The following NIBAN2 variants were observed in gnomAD, a reference collection of about 807,000 sequenced individuals.
NIBAN2 encodes the protein protein Niban 2.
Under a neutral mutation model 81.8 loss-of-function variants are expected in NIBAN2, and 36 were observed. The observed-to-expected ratio is 0.44, with a 90% CI of 0.34 to 0.58. The LOEUF (loss-of-function observed/expected upper bound fraction) is 0.58, where lower values mean the gene tolerates loss of function less well. Among genes scored for constraint, NIBAN2 ranks in the 20% least tolerant of loss-of-function variants. The pLI is 0.02. For synonymous variants in NIBAN2, 445 were observed against 441.6 expected (o/e 1.01, Z -0.10); for missense variants, 897 against 1,014.1 (o/e 0.88, Z 1.57).
rs906475768 is a variant in NIBAN2, at chr9:127,508,292, C to T, written c.1435-92G>A. 18 of 1,335,662 alleles carry T rather than the reference C, an allele frequency of 1.3e-5. No homozygotes were observed. The highest frequency in any genetic ancestry group is 1.2e-4 in the East Asian group (5 of 43,328). The allele number at this position is 1,335,662 out of a possible 1,614,324, so 82.7% of individuals were successfully genotyped here. On this transcript the variant is annotated intron_variant, in intron 11 of 13. Transcript: ENST00000373312. This position sits in a 1 kb window ranked among gnomAD's most constrained non-coding sequence, Gnocchi z 6.4. ...AGGCCAGTGGTCTGACCCAAGCCTC[C>T]GAGTCCTCATCCGCACAAGAGGACC...
Position 127,506,301 on chromosome 9 carries a change from G to C in NIBAN2, c.*544C>G, listed in dbSNP as rs1055068692. 1.3e-5 allele frequency: 2 copies of C among 152,674 alleles called. No individual in the cohort carries two copies. The highest frequency in any genetic ancestry group is 4.8e-5 in the African/African-American group (2 of 41,388). The allele number at this position is 152,674 out of a possible 1,614,324, so 9.5% of individuals were successfully genotyped here. A position where few individuals can be genotyped will look rare whatever the true frequency, so the allele number is the denominator to read the frequency against. Reference sequence around the variant, plus strand: ...CTCATCTCTCCACCCAGCACCCCCAGCCTGGCTCCAGCCTGAAGACCCCCT... The same window carrying C: ...CTCATCTCTCCACCCAGCACCCCCACCCTGGCTCCAGCCTGAAGACCCCCT... On this transcript the variant is annotated 3_prime_UTR_variant, in exon 14 of 14. Transcript: ENST00000373312.
chr9:127,554,493 A>G (rs577426180), intron 1 of NIBAN2, among the ~76,000 whole-genome samples: 23 of 151,594 alleles, frequency 1.5e-4, no homozygotes, highest in African/African-American at 5.6e-4. Flanking sequence ...TCAGACAGGA[A>G]TCAAATTGTT....
rs185363478 is a variant in NIBAN2 at position 127,519,502 on chromosome 9, C to T, written c.590-1561G>A. Reference sequence around the variant, plus strand: ...AAGCCTGTGCATCAGAAACCTAAGGCTCCCACTGCCATGACTATGGGCTGA... The same window carrying T: ...AAGCCTGTGCATCAGAAACCTAAGGTTCCCACTGCCATGACTATGGGCTGA... On this transcript the variant is annotated intron_variant, in intron 5 of 13. Transcript: ENST00000373312. Among the ~76,000 whole-genome samples, 11 of 152,354 alleles carry T rather than the reference C, an allele frequency of 7.2e-5. No homozygotes were observed. In the East Asian group the frequency reaches 1.2e-3, roughly 16 times the overall value.
At chr9:127,565,251 C>T (rs1273423580) in intron 1 of NIBAN2, among the ~76,000 whole-genome samples, 2 of 152,096 alleles carry the variant, frequency 1.3e-5, no homozygotes, top group Non-Finnish European at 2.9e-5. Context: ...CGTGAGCCAC[C>T]ACGCCTGGCC....
At chr9:127,547,805 C>T (rs1207259828) in intron 1 of NIBAN2, among the ~76,000 whole-genome samples, 1 of 152,154 alleles carries the variant, frequency 6.6e-6, no homozygotes, top group African/African-American at 2.4e-5. Context: ...CCATTGCACT[C>T]CAGCCTGGGC....
intron 1 of NIBAN2, among the ~76,000 whole-genome samples, chr9:127,552,711 CAG>C (rs1379373699): frequency 2.2e-5 from 2 of 91,058 alleles, no homozygotes; most frequent in Non-Finnish European, 4.0e-5. Flanking sequence ...TTTTTTGAGA[CAG>C]AGTCTTGCTC....
At chr9:127,510,024 T>C (rs927006556) in intron 9 of NIBAN2, 122 bp downstream of exon 9, 11 of 907,332 alleles carry the variant, frequency 1.2e-5, no homozygotes, top group African/African-American at 1.2e-4. Context: ...CAGCAGCCCC[T>C]CCCCGTCTAC....
At chr9:127,514,994 T>TTC (rs1178442201) in intron 8 of NIBAN2, among the ~76,000 whole-genome samples, 4 of 151,900 alleles carry the variant, frequency 2.6e-5, no homozygotes, top group Admixed American at 2.6e-4. Context: ...TAAGACCCCC[T>TTC]TCTCTCTCTC....
In NIBAN2 at chr9:127,507,664, G is replaced by A. The variant is rs1468245388; in HGVS notation, c.1654+203C>T. ...CTCTGACCCTCCCAGCAAAGCCAAGGACGCGAGAAGAAACTAAAGCACAGA... is the reference window on the plus strand; with the variant it reads ...CTCTGACCCTCCCAGCAAAGCCAAGAACGCGAGAAGAAACTAAAGCACAGA... On this transcript the variant is annotated intron_variant, in intron 13 of 13. Coordinates refer to ENST00000373312, the MANE Select transcript of NIBAN2 (RefSeq NM_022833.4). The surrounding 1 kb of genome is among the most constrained non-coding windows in gnomAD (Gnocchi z 6.8). Among the ~76,000 whole-genome samples, 1 of 152,210 alleles carries A rather than the reference G, an allele frequency of 6.6e-6. No individual in the cohort carries two copies. The highest frequency in any genetic ancestry group is 1.5e-5 in the Non-Finnish European group (1 of 68,036).
chr9:127,572,451 A>G (rs1837959980), upstream of NIBAN2, among the ~76,000 whole-genome samples: 1 of 152,238 alleles, frequency 6.6e-6, no homozygotes, highest in African/African-American at 2.4e-5. Context: ...CAACAAATAA[A>G]TAAAATGACT....
At chr9:127,527,652 G>A (rs751027528) in intron 2 of NIBAN2, among the ~76,000 whole-genome samples, 21 of 152,164 alleles carry the variant, frequency 1.4e-4, no homozygotes, top group East Asian at 1.9e-4. Flanking sequence ...GGCTGTCACC[G>A]CTACCTTGGA....
chr9:127,518,941 A>C (rs779494237), intron 5 of NIBAN2, among the ~76,000 whole-genome samples: 13 of 152,156 alleles, frequency 8.5e-5, no homozygotes, highest in Non-Finnish European at 1.6e-4. Context: ...TGGGAGGCTG[A>C]GGTGGGGGAA....
intron 1 of NIBAN2, among the ~76,000 whole-genome samples, chr9:127,550,698 C>T (rs1488560851): frequency 6.6e-6 from 1 of 152,204 alleles, no homozygotes; most frequent in Non-Finnish European, 1.5e-5. Flanking sequence ...CCATATAAAC[C>T]AGGGCCTCTC....
rs1836857310 is a variant in NIBAN2, at chr9:127,517,591, C to T, written c.705+235G>A. 6.6e-6 allele frequency among the ~76,000 whole-genome samples: 1 copy of T among 152,166 alleles called. No homozygotes were observed. ...GGCCAGGAATTTGTCCACATCATTC[C>T]CAGCTGCACCCCAGTGCCTCGTCCA... On this transcript the variant is annotated intron_variant, in intron 6 of 13. Coordinates refer to ENST00000373312, the MANE Select transcript of NIBAN2 (RefSeq NM_022833.4). This position sits in a 1 kb window ranked among gnomAD's most constrained non-coding sequence, Gnocchi z 4.0.
At chr9:127,533,585 G>A (rs959253838) in intron 1 of NIBAN2, among the ~76,000 whole-genome samples, 1 of 152,238 alleles carries the variant, frequency 6.6e-6, no homozygotes, top group Non-Finnish European at 1.5e-5. Flanking sequence ...AGCGAGCTAT[G>A]ATCGTGCAAC....
chr9:127,569,112 C>A, upstream of NIBAN2: 5 of 1,009,694 alleles, frequency 5.0e-6, no homozygotes, highest in Non-Finnish European at 5.9e-6. Context: ...CCCGGCGCCC[C>A]GCTCCGCCCC....
intron 1 of NIBAN2, among the ~76,000 whole-genome samples, chr9:127,565,453 C>T (rs1473317072): frequency 6.6e-6 from 1 of 152,084 alleles, no homozygotes; most frequent in African/African-American, 2.4e-5. Context: ...GAAGTGTACA[C>T]TTTAGGTGGC....
upstream of NIBAN2, among the ~76,000 whole-genome samples, chr9:127,573,424 T>C (rs1188843968): frequency 2.7e-5 from 4 of 148,844 alleles, no homozygotes; most frequent in Non-Finnish European, 5.9e-5. Flanking sequence ...AGTCTTTGGG[T>C]GGGGAAGGAA....
At position 127,538,015 on chromosome 9, in the gene NIBAN2, T is replaced by G. The variant is rs562826646; in HGVS notation, c.56-6237A>C. ...CCTCTGTCTCCACCTGGTGTCTCTA[T>G]GGGTACTGGGCTGCATCCACCTCTG... On this transcript the variant is annotated intron_variant, in intron 1 of 13. Transcript: ENST00000373312. 5.9e-5 allele frequency among the ~76,000 whole-genome samples: 9 copies of G among 152,266 alleles called. No homozygotes were observed. The East Asian group carries it at 1.7e-3, about 29-fold the overall frequency.
Sources: gnomAD v4.1 joint callset for allele counts (sites outside exome capture counted in the v4.1 genomes callset) on GRCh38, gnomAD v4.1.1 for gene constraint, Gnocchi (gnomAD v3.1) non-coding constraint, MANE v1.5 for transcripts, NCBI Gene and HGNC (gene_info 2026-07-23, HGNC 2026-07-21) for gene names.